CNIH4: variants seen among roughly 807,000 people sequenced by gnomAD.
CNIH4 encodes the protein protein cornichon homolog 4.
A neutral mutation model predicts 21.5 loss-of-function variants in CNIH4; 9 were observed. That is an observed-to-expected ratio of 0.42 (90% CI 0.25 to 0.73). The LOEUF is 0.73. CNIH4 is among the 30% of genes least tolerant of loss of function. The probability of loss-of-function intolerance (pLI) is 0.27; values close to 1 mark genes in which losing one functional copy is unlikely to be tolerated. For synonymous variants in CNIH4, 67 were observed against 59.1 expected, an observed-to-expected ratio of 1.13 and a Z score of -0.61; for missense variants, 159 against 170.0, an observed-to-expected ratio of 0.94 and a Z score of 0.36.
chr1:224,368,303 G>A (rs1672524634), intron 3 of CNIH4, among the ~76,000 whole-genome samples: 1 of 152,188 alleles, frequency 6.6e-6, no homozygotes, highest in Non-Finnish European at 1.5e-5. Flanking sequence ...CTGCACTCCA[G>A]CCGGGAAACA....
chr1:224,375,009 AG>A (rs778144151), intron 4 of CNIH4, among the ~76,000 whole-genome samples: 13 of 152,320 alleles, frequency 8.5e-5, no homozygotes, highest in South Asian at 2.1e-4. Context: ...AGTATTTCAA[AG>A]GAAAGGATGG....
At chr1:224,359,035 C>A (rs1031649071) in intron 1 of CNIH4, among the ~76,000 whole-genome samples, 1 of 152,116 alleles carries the variant, frequency 6.6e-6, no homozygotes, top group Non-Finnish European at 1.5e-5. Context: ...CAGACACTGG[C>A]AAGAGCGAAG....
At chr1:224,369,809 T>C (rs943276752) in intron 3 of CNIH4, among the ~76,000 whole-genome samples, 2 of 151,126 alleles carry the variant, frequency 1.3e-5, no homozygotes, top group African/African-American at 4.9e-5. Flanking sequence ...CCTGAGTAGG[T>C]GGGATTACAG....
At chr1:224,363,980 T>C (rs1294008012) in intron 2 of CNIH4, 6 of 849,686 alleles carry the variant, frequency 7.1e-6, no homozygotes, top group Non-Finnish European at 8.5e-6. Context: ...CTAGTGCCAG[T>C]GTACTGAGAA....
intron 1 of CNIH4, among the ~76,000 whole-genome samples, chr1:224,358,493 C>T (rs1672181157): frequency 6.6e-6 from 1 of 152,246 alleles, no homozygotes; most frequent in Admixed American, 6.5e-5. Context: ...ACCCACGGCC[C>T]ACGGGCTGCA....
chr1:224,362,649 C>A (rs1289445038), intron 2 of CNIH4, among the ~76,000 whole-genome samples: 1 of 151,732 alleles, frequency 6.6e-6, no homozygotes, highest in African/African-American at 2.4e-5. Flanking sequence ...GCCACCATGC[C>A]TGGCTAATTT....
Position 224,376,590 on chromosome 1 carries a change from GGGTTT to G in CNIH4, c.*771_*775del. Reference sequence around the variant, plus strand: ...GATCTCCCTGATAACGTATTTTCATGGGTTTGGGTAGAAGATGCTAATCAGATTAG... The same window carrying G: ...GATCTCCCTGATAACGTATTTTCATGGGGTAGAAGATGCTAATCAGATTAG... On this transcript the variant is annotated 3_prime_UTR_variant, in exon 5 of 5. Coordinates refer to ENST00000465271, the MANE Select transcript of CNIH4 (RefSeq NM_014184.4). The G allele has an allele frequency of 1.0e-6, 1 of 985,344 alleles. No individual in the cohort carries two copies. The highest frequency in any genetic ancestry group is 1.2e-6 in the Non-Finnish European group (1 of 829,932). 61.0% of individuals were successfully genotyped at this position (985,344 alleles called of 1,614,324 possible). A position where few individuals can be genotyped will look rare whatever the true frequency, so the allele number is the denominator to read the frequency against.
At position 224,376,490 on chromosome 1, in the gene CNIH4, C is replaced by T; in HGVS notation, c.*668C>T. On this transcript the variant is annotated 3_prime_UTR_variant, in exon 5 of 5. Coordinates refer to ENST00000465271, the MANE Select transcript of CNIH4 (RefSeq NM_014184.4). ...ATTTAAAAGCTACTACCTCCACAAT[C>T]ACCCCCAAACCCAGAAAATCCCCAC... 1 of 985,442 alleles carries T rather than the reference C, an allele frequency of 1.0e-6. No homozygotes were observed. 61.0% of individuals were successfully genotyped at this position (985,442 alleles called of 1,614,324 possible). A position where few individuals can be genotyped will look rare whatever the true frequency, so the allele number is the denominator to read the frequency against.
chr1:224,371,516 G>T, intron 4 of CNIH4, 93 bp downstream of exon 4: 5 of 1,187,538 alleles, frequency 4.2e-6, no homozygotes, highest in Non-Finnish European at 4.8e-6. Context: ...TTGACATTGT[G>T]GAACTTTCGG....
chr1:224,372,617 C>G (rs1558400774), intron 4 of CNIH4, among the ~76,000 whole-genome samples: 1 of 151,880 alleles, frequency 6.6e-6, no homozygotes, highest in African/African-American at 2.4e-5. Context: ...GAGTCTCGCT[C>G]TGTCACCCAG....
chr1:224,358,678 G>T (rs1558393707), intron 1 of CNIH4, among the ~76,000 whole-genome samples: 1 of 152,176 alleles, frequency 6.6e-6, no homozygotes, highest in Non-Finnish European at 1.5e-5. Flanking sequence ...GAAGCCAAAA[G>T]ATTGGACACC....
At chr1:224,363,078 C>T (rs1672346213) in intron 2 of CNIH4, among the ~76,000 whole-genome samples, 1 of 151,320 alleles carries the variant, frequency 6.6e-6, no homozygotes, top group South Asian at 2.1e-4. Flanking sequence ...GAGTTTTGCA[C>T]TTGTTGTCTA....
At chr1:224,363,187 G>C (rs1672350087) in intron 2 of CNIH4, among the ~76,000 whole-genome samples, 1 of 152,116 alleles carries the variant, frequency 6.6e-6, no homozygotes, top group Non-Finnish European at 1.5e-5. Context: ...TGGGATTACA[G>C]GGGTGTGCCA....
intron 2 of CNIH4, chr1:224,364,092 C>G (rs1016940937): frequency 2.1e-5 from 21 of 985,222 alleles, no homozygotes; most frequent in Non-Finnish European, 2.4e-5. Flanking sequence ...AGTCTTGCTT[C>G]CTGAAACATA....
In CNIH4 at chr1:224,375,971, A is replaced by T; in HGVS notation, c.*149A>T. 7.6e-7 allele frequency: 1 copy of T among 1,315,600 alleles called. No individual in the cohort carries two copies. The highest frequency in any genetic ancestry group is 9.7e-7 in the Non-Finnish European group (1 of 1,028,702). 81.5% of individuals were successfully genotyped at this position (1,315,600 alleles called of 1,614,324 possible). A position where few individuals can be genotyped will look rare whatever the true frequency, so the allele number is the denominator to read the frequency against. Reference sequence around the variant, plus strand: ...ACTATTTTTGCTGTATTTTTACCATATAAAGTATTTAAAAAACATGAATTG... The same window carrying T: ...ACTATTTTTGCTGTATTTTTACCATTTAAAGTATTTAAAAAACATGAATTG... On this transcript the variant is annotated 3_prime_UTR_variant, in exon 5 of 5. Coordinates refer to ENST00000465271, the MANE Select transcript of CNIH4 (RefSeq NM_014184.4).
chr1:224,365,580 A>G (rs1264898467), intron 2 of CNIH4, among the ~76,000 whole-genome samples: 1 of 152,248 alleles, frequency 6.6e-6, no homozygotes, highest in East Asian at 1.9e-4. Context: ...AATAGGAACT[A>G]AACAATACTC....
chr1:224,357,286 C>T, intron 1 of CNIH4: 1 of 319,016 alleles, frequency 3.1e-6, no homozygotes, highest in Non-Finnish European at 5.7e-6. Flanking sequence ...TCGGCCTGCC[C>T]GCCTGCTCTC....
At chr1:224,362,085 A>T (rs1292457739) in intron 2 of CNIH4, among the ~76,000 whole-genome samples, 38 of 145,410 alleles carry the variant, frequency 2.6e-4, no homozygotes, top group Admixed American at 2.0e-3. Context: ...GTACCATGCC[A>T]TTTTTTTTTT....
At position 224,379,301 on chromosome 1, in the gene CNIH4, A is replaced by T; in HGVS notation, c.*3479A>T. On this transcript the variant is annotated 3_prime_UTR_variant, in exon 5 of 5. Transcript: ENST00000465271. ...CTTACCACATTCTATCTGGTATTAC[A>T]GTTATTTGTATGCAATTAATCACTC... is the stretch of plus-strand genomic sequence containing the variant. 1.7e-6 allele frequency: 1 copy of T among 596,512 alleles called. No individual in the cohort carries two copies. The highest frequency in any genetic ancestry group is 3.0e-6 in the Non-Finnish European group (1 of 333,950). 37.0% of individuals were successfully genotyped at this position (596,512 alleles called of 1,614,324 possible).
Sources: allele counts gnomAD v4.1 joint callset (sites outside exome capture counted in the v4.1 genomes callset), GRCh38; gene constraint gnomAD v4.1.1; transcripts MANE v1.5; gene names NCBI Gene and HGNC (gene_info 2026-07-23, HGNC 2026-07-21).